PLXDC2: variants seen among roughly 807,000 people sequenced by gnomAD.
PLXDC2 encodes the protein plexin domain containing 2, also known as plexin domain-containing protein 2.
A neutral mutation model predicts 68.9 loss-of-function variants in PLXDC2; 40 were observed. The ratio of observed to expected loss-of-function variants is 0.58; its 90% CI spans 0.45 to 0.76. The LOEUF (loss-of-function observed/expected upper bound fraction) is 0.76. Among genes scored for constraint, PLXDC2 ranks in the 30% least tolerant of loss-of-function variants. The probability of loss-of-function intolerance (pLI) is 0.00; values close to 1 mark genes in which losing one functional copy is unlikely to be tolerated. For missense variants in PLXDC2, 644 were observed against 661.9 expected, an observed-to-expected ratio of 0.97 and a Z score of 0.30; for synonymous variants, 243 against 234.2, an observed-to-expected ratio of 1.04 and a Z score of -0.34.
chr10:19,850,612 A>G (rs1187885430), intron 1 of PLXDC2, among the ~76,000 whole-genome samples: 1 of 152,166 alleles, frequency 6.6e-6, no homozygotes, highest in Non-Finnish European at 1.5e-5. Flanking sequence ...CACCCATACT[A>G]AGAGACTCTA....
intron 9 of PLXDC2, among the ~76,000 whole-genome samples, chr10:20,182,216 A>T (rs190995519): frequency 6.6e-6 from 1 of 151,828 alleles, no homozygotes. Context: ...CAAAATACAG[A>T]TTTCCTTCAT....
intron 7 of PLXDC2, among the ~76,000 whole-genome samples, chr10:20,166,249 C>A (rs1173066068): frequency 6.6e-6 from 1 of 152,060 alleles, no homozygotes; most frequent in Admixed American, 6.6e-5. Flanking sequence ...TATCTTAGAA[C>A]TGAATGGTTA....
chr10:19,966,036 T>C (rs1834242713), intron 1 of PLXDC2, among the ~76,000 whole-genome samples: 2 of 151,960 alleles, frequency 1.3e-5, no homozygotes, highest in South Asian at 2.1e-4. Context: ...TATAATCACA[T>C]TGTAATCATC....
At chr10:20,197,021 C>A (rs966147952) in intron 9 of PLXDC2, among the ~76,000 whole-genome samples, 4 of 151,812 alleles carry the variant, frequency 2.6e-5, no homozygotes, top group Admixed American at 2.6e-4. Flanking sequence ...GCAATGTGCT[C>A]CCAAATTCTT....
intron 6 of PLXDC2, among the ~76,000 whole-genome samples, chr10:20,150,661 G>T (rs1479848909): frequency 1.3e-5 from 2 of 152,158 alleles, no homozygotes; most frequent in Admixed American, 6.5e-5. Context: ...CTGTAAAGAC[G>T]CAAGGTCAGT....
intron 13 of PLXDC2, among the ~76,000 whole-genome samples, chr10:20,254,492 A>G (rs1487425042): frequency 6.6e-6 from 1 of 152,190 alleles, no homozygotes; most frequent in East Asian, 1.9e-4. Context: ...TTAATAACTG[A>G]GTTTTGCTCT....
chr10:19,915,904 C>T (rs1034314190), intron 1 of PLXDC2, among the ~76,000 whole-genome samples: 1 of 151,942 alleles, frequency 6.6e-6, no homozygotes, highest in African/African-American at 2.4e-5. Context: ...GCTGCTGTAG[C>T]CTCTGCAACT....
At position 20,198,764 on chromosome 10, in the gene PLXDC2, C is replaced by G. The variant is rs1834876230; in HGVS notation, c.1062-12905C>G. ...GTTTACCTTGTTTTTGTCACATAAT[C>G]CAGCTGTAAGTTGATTTATCATTTT... On this transcript the variant is annotated intron_variant, in intron 9 of 13. Coordinates refer to ENST00000377252, the MANE Select transcript of PLXDC2 (RefSeq NM_032812.9). 2.0e-5 allele frequency among the ~76,000 whole-genome samples: 3 copies of G among 152,162 alleles called. No homozygotes were observed. In the South Asian group the frequency reaches 6.2e-4, roughly 32 times the overall value.
At chr10:20,216,119 A>T (rs544733207) in intron 10 of PLXDC2, among the ~76,000 whole-genome samples, 7 of 152,266 alleles carry the variant, frequency 4.6e-5, no homozygotes, top group African/African-American at 9.6e-5. Context: ...AAAAAAAAAA[A>T]AAATAAAAAA....
At chr10:20,241,700 G>A (rs1446815447) in intron 12 of PLXDC2, among the ~76,000 whole-genome samples, 5 of 152,138 alleles carry the variant, frequency 3.3e-5, no homozygotes, top group African/African-American at 1.2e-4. Context: ...GATCACTTGA[G>A]CCCAGGAGTT....
Position 20,280,270 on chromosome 10 carries a change from A to G in PLXDC2, c.*451A>G, listed in dbSNP as rs1428945715. Reference sequence around the variant, plus strand: ...CTGAACCCTTTCACTCAAAAGAGCAATGATGAATGTCTCAAGATTGCTAAG... The same window carrying G: ...CTGAACCCTTTCACTCAAAAGAGCAGTGATGAATGTCTCAAGATTGCTAAG... On this transcript the variant is annotated 3_prime_UTR_variant, in exon 14 of 14. Coordinates refer to ENST00000377252, the MANE Select transcript of PLXDC2 (RefSeq NM_032812.9). 1.9e-5 allele frequency: 3 copies of G among 154,078 alleles called. No individual in the cohort carries two copies. Among genetic ancestry groups the G allele is most frequent in the Admixed American group, 1.3e-4 (2 of 15,378 alleles). The allele number at this position is 154,078 out of a possible 1,614,324, so 9.5% of individuals were successfully genotyped here.
chr10:20,173,381 C>T (rs1017924460), intron 7 of PLXDC2, among the ~76,000 whole-genome samples: 1 of 152,112 alleles, frequency 6.6e-6, no homozygotes, highest in Admixed American at 6.6e-5. Flanking sequence ...GAATGTTATG[C>T]TTTCAAGACA....
chr10:20,171,644 A>G (rs986134023), intron 7 of PLXDC2, among the ~76,000 whole-genome samples: 32 of 152,318 alleles, frequency 2.1e-4, no homozygotes, highest in Non-Finnish European at 4.0e-4. Flanking sequence ...GGGCATAGAA[A>G]TCACTGATTA....
chr10:20,086,836 T>C (rs1006484007), intron 4 of PLXDC2, among the ~76,000 whole-genome samples: 14 of 152,112 alleles, frequency 9.2e-5, no homozygotes, highest in African/African-American at 3.4e-4. Flanking sequence ...AAAAAAGCAA[T>C]GTAATTGCCA....
At chr10:20,146,203 G>GTTTT (rs1263332046) in intron 5 of PLXDC2, among the ~76,000 whole-genome samples, 2 of 152,224 alleles carry the variant, frequency 1.3e-5, no homozygotes, top group East Asian at 3.9e-4. Flanking sequence ...CTTGAGGGTT[G>GTTTT]TAGACATGTG....
intron 13 of PLXDC2, among the ~76,000 whole-genome samples, chr10:20,271,564 C>G (rs1835941168): frequency 6.6e-6 from 1 of 152,052 alleles, no homozygotes; most frequent in African/African-American, 2.4e-5. Flanking sequence ...TTTTTCTCCA[C>G]TAGTTGGTTC....
intron 4 of PLXDC2, among the ~76,000 whole-genome samples, chr10:20,069,825 T>C (rs1417102553): frequency 6.6e-6 from 1 of 152,156 alleles, no homozygotes; most frequent in Non-Finnish European, 1.5e-5. Flanking sequence ...AGCAAGACCC[T>C]GTCTCTAAAG....
intron 1 of PLXDC2, among the ~76,000 whole-genome samples, chr10:19,885,361 G>T (rs1837822980): frequency 6.6e-6 from 1 of 151,462 alleles, no homozygotes; most frequent in Admixed American, 6.6e-5. Context: ...AGTTTAATTA[G>T]ATCCCATTTG....
At chr10:20,110,665 G>GT (rs1833547918) in intron 4 of PLXDC2, among the ~76,000 whole-genome samples, 1 of 152,038 alleles carries the variant, frequency 6.6e-6, no homozygotes, top group Admixed American at 6.6e-5. Context: ...GCCCCTCCTT[G>GT]TGCCCCCACA....
Sources: allele counts gnomAD v4.1 joint callset (sites outside exome capture counted in the v4.1 genomes callset), GRCh38; gene constraint gnomAD v4.1.1; transcripts MANE v1.5; gene names NCBI Gene and HGNC (gene_info 2026-07-23, HGNC 2026-07-21).